Variants in EXT2 observed in about 807,000 individuals in gnomAD.
EXT2 encodes the protein exostosin-2.
EXT2 carries 53 observed loss-of-function variants against 81.6 expected under a neutral mutation model. That is an observed-to-expected ratio of 0.65 (90% confidence interval 0.52 to 0.82). The LOEUF (loss-of-function observed/expected upper bound fraction) is 0.82. Among genes scored for constraint, EXT2 ranks in the 40% least tolerant of loss-of-function variants. The probability of loss-of-function intolerance (pLI) is 0.00; values close to 1 mark genes in which losing one functional copy is unlikely to be tolerated. For missense variants in EXT2, 774 were observed against 910.2 expected, an observed-to-expected ratio of 0.85 and a Z score of 1.93; for synonymous variants, 320 against 340.0, an observed-to-expected ratio of 0.94 and a Z score of 0.65.
In EXT2 at chr11:44,171,618, G is replaced by T. The variant is rs1191238988; in HGVS notation, c.1181G>T (p.Trp394Leu). ...QIEEMQRQAR[W>L]FWEAYFQSIK... ...GCATTATTTTCTTTATAGGCCCGGT[G>T]GTTCTGGGAAGCGTACTTCCAGTCA... is the stretch of plus-strand genomic sequence containing the variant. The change falls in exon 8 of 14, where the codon TGG becomes TTG. Residue 394 changes from tryptophan (W) to leucine (L), a missense_variant. Trp to Leu is a moderately conservative substitution (Grantham distance 61). This residue lies in a region of EXT2 where 626 missense variants were observed against 670.5 expected (regional missense o/e 0.93). Coordinates refer to ENST00000533608, the MANE Select transcript of EXT2 (RefSeq NM_207122.2). 10 of 1,614,130 alleles carry T rather than the reference G, an allele frequency of 6.2e-6. No individual in the cohort carries two copies. Among genetic ancestry groups the T allele is most frequent in the Non-Finnish European group, 7.6e-6 (9 of 1,180,038 alleles).
At chr11:44,127,603 G>A (rs1028041082) in intron 6 of EXT2, among the ~76,000 whole-genome samples, 3 of 152,212 alleles carry the variant, frequency 2.0e-5, no homozygotes, top group African/African-American at 7.2e-5. Context: ...AGTCCTTGGT[G>A]CTGAAAAGGT....
rs1955076246 is a variant in EXT2, at chr11:44,171,674, A to G, written c.1237A>G (p.Ile413Val). 1 of 1,614,140 alleles carries G rather than the reference A, an allele frequency of 6.2e-7. No individual in the cohort carries two copies. Among genetic ancestry groups the G allele is most frequent in the East Asian group, 2.2e-5 (1 of 44,890 alleles). The change falls in exon 8 of 14, where the codon ATT becomes GTT. Residue 413 changes from isoleucine to valine, a missense_variant. Physicochemically the swap from Ile to Val is conservative, Grantham distance 29. Coordinates refer to ENST00000533608, the MANE Select transcript of EXT2 (RefSeq NM_207122.2). ...AGCCATTGCCCTGGCCACCCTGCAG[A>G]TTATCAATGACCGGATCTATCCATA... ...IKAIALATLQ[I>V]INDRIYPYAA... is the part of the protein sequence containing the mutation.
intron 8 of EXT2, among the ~76,000 whole-genome samples, chr11:44,173,049 GAC>G (rs1171040094): frequency 2.0e-5 from 3 of 152,180 alleles, no homozygotes; most frequent in African/African-American, 7.2e-5. Flanking sequence ...GAAAAAAGAA[GAC>G]AGTTCCTGCC....
At position 44,206,908 on chromosome 11, in the gene EXT2, TG is replaced by T; in HGVS notation, c.1612del (p.Asp538MetfsTer7). ...TCGAGACAGAAGCTGTTCTGGCCAT[TG>T]ATGATGATATCATTATGCTGACCTC... ...EIETEAVLAI[D>X]DDIIMLTSDE... On this transcript the variant is annotated frameshift_variant, in exon 10 of 14. Coordinates refer to ENST00000533608, the MANE Select transcript of EXT2 (RefSeq NM_207122.2). LOFTEE classifies it high-confidence loss of function. The T allele has an allele frequency of 6.2e-7, 1 of 1,614,180 alleles. No homozygotes were observed. Among genetic ancestry groups the T allele is most frequent in the South Asian group, 1.1e-5 (1 of 91,092 alleles).
intron 7 of EXT2, among the ~76,000 whole-genome samples, chr11:44,169,295 G>A (rs1266633471): frequency 6.6e-6 from 1 of 151,748 alleles, no homozygotes; most frequent in Non-Finnish European, 1.5e-5. Flanking sequence ...ATATGTAGAT[G>A]AAAAATATTT....
intron 3 of EXT2, among the ~76,000 whole-genome samples, chr11:44,112,365 T>C (rs1245640875): frequency 6.6e-6 from 1 of 152,212 alleles, no homozygotes; most frequent in Non-Finnish European, 1.5e-5. Flanking sequence ...AGTCAGATCA[T>C]CATATTAATA....
At chr11:44,214,043 G>A (rs1045064479) in intron 10 of EXT2, among the ~76,000 whole-genome samples, 14 of 152,136 alleles carry the variant, frequency 9.2e-5, no homozygotes, top group Non-Finnish European at 2.1e-4. Context: ...GAGAAAATAT[G>A]CATAGGTGCC....
intron 7 of EXT2, among the ~76,000 whole-genome samples, chr11:44,134,613 C>A (rs549026972): frequency 6.6e-6 from 1 of 152,198 alleles, no homozygotes; most frequent in Non-Finnish European, 1.5e-5. Context: ...TCCCAGTCTC[C>A]CCTGAATCAC....
intron 8 of EXT2, among the ~76,000 whole-genome samples, chr11:44,179,737 T>C (rs1347048852): frequency 6.6e-6 from 1 of 152,248 alleles, no homozygotes; most frequent in Non-Finnish European, 1.5e-5. Context: ...CTGTCCTTTT[T>C]ATGTGTCTCC....
chr11:44,216,833 A>T (rs1394334143), intron 10 of EXT2, among the ~76,000 whole-genome samples: 2 of 151,334 alleles, frequency 1.3e-5, no homozygotes, highest in African/African-American at 4.9e-5. Context: ...GATGAGGGAG[A>T]TCTACCTGGA....
At chr11:44,119,130 A>ATG (rs1565201098) in intron 4 of EXT2, among the ~76,000 whole-genome samples, 15 of 23,034 alleles carry the variant, frequency 6.5e-4, no homozygotes, top group African/African-American at 2.4e-3. Context: ...CTATTTATAT[A>ATG]TATATATATA....
chr11:44,102,172 T>A (rs564223616), intron 1 of EXT2, among the ~76,000 whole-genome samples: 13 of 152,258 alleles, frequency 8.5e-5, no homozygotes, highest in African/African-American at 3.1e-4. Context: ...GAACTGCAGA[T>A]CTTTATCAGA....
rs146585226 is a variant in EXT2 at position 44,212,803 on chromosome 11, A to C, written c.1662+5844A>C. Among the ~76,000 whole-genome samples, 379 of 152,352 alleles carry C rather than the reference A, an allele frequency of 2.5e-3. 9 individuals are homozygous for C. The East Asian group carries it at 0.051, about 20-fold the overall frequency. On this transcript the variant is annotated intron_variant, in intron 10 of 13. Coordinates refer to ENST00000533608, the MANE Select transcript of EXT2 (RefSeq NM_207122.2). Reference sequence around the variant, plus strand: ...AATAAATCTCAGAAGTGTTATGCTAAGTGAACAAAGTCAGATGTAGGAGGC... The same window carrying C: ...AATAAATCTCAGAAGTGTTATGCTACGTGAACAAAGTCAGATGTAGGAGGC...
At chr11:44,138,517 A>T (rs1445029063) in intron 7 of EXT2, among the ~76,000 whole-genome samples, 1 of 152,028 alleles carries the variant, frequency 6.6e-6, no homozygotes, top group Non-Finnish European at 1.5e-5. Context: ...TTAGCAGATC[A>T]TGAAGTCAAT....
chr11:44,233,426 C>G (rs1317798064), intron 11 of EXT2, among the ~76,000 whole-genome samples: 1 of 152,136 alleles, frequency 6.6e-6, no homozygotes, highest in East Asian at 1.9e-4. Context: ...TTTGTACTTC[C>G]TCTCTTCTGG....
At chr11:44,217,250 A>T (rs1955730620) in intron 10 of EXT2, among the ~76,000 whole-genome samples, 1 of 152,044 alleles carries the variant, frequency 6.6e-6, no homozygotes, top group Non-Finnish European at 1.5e-5. Context: ...ACACCATAGC[A>T]AGTTCTTGGG....
intron 9 of EXT2, among the ~76,000 whole-genome samples, chr11:44,202,116 C>T (rs1204598745): frequency 1.3e-5 from 2 of 152,202 alleles, no homozygotes; most frequent in African/African-American, 4.8e-5. Flanking sequence ...GAAAAGTAAC[C>T]ATGTATCTTA....
Position 44,107,670 on chromosome 11 carries a change from C to T in EXT2, c.-30-13C>T. Reference sequence around the variant, plus strand: ...AATACTTGGTTTTTCTTATTTCTCTCCCTGGTGACCAGGAGTGTGAGGAAG... The same window carrying T: ...AATACTTGGTTTTTCTTATTTCTCTTCCTGGTGACCAGGAGTGTGAGGAAG... On this transcript the variant is annotated splice_polypyrimidine_tract_variant and intron_variant, in intron 1 of 13. Transcript: ENST00000533608. 2 of 1,598,092 alleles carry T rather than the reference C, an allele frequency of 1.3e-6. No homozygotes were observed. The highest frequency in any genetic ancestry group is 8.6e-7 in the Non-Finnish European group (1 of 1,169,118).
intron 5 of EXT2, among the ~76,000 whole-genome samples, chr11:44,125,904 G>A (rs920535748): frequency 1.5e-4 from 23 of 152,214 alleles, no homozygotes; most frequent in African/African-American, 4.8e-4. Flanking sequence ...CTGCACCTCC[G>A]GGTACCACGA....
Sources: allele counts gnomAD v4.1 joint callset (sites outside exome capture counted in the v4.1 genomes callset), GRCh38; gene constraint gnomAD v4.1.1; regional missense constraint gnomAD v4.1.1; transcripts MANE v1.5; gene names NCBI Gene and HGNC (gene_info 2026-07-23, HGNC 2026-07-21).